Variants in EDDM3B observed in about 807,000 individuals in gnomAD.
The protein encoded by EDDM3B is epididymal protein 3B, also known as epididymal secretory protein E3-beta.
For synonymous variants in EDDM3B, 71 were observed against 59.1 expected, an observed-to-expected ratio of 1.20 and a Z score of -0.92; for missense variants, 189 against 178.3, an observed-to-expected ratio of 1.06 and a Z score of -0.34.
Position 20,770,134 on chromosome 14 carries a change from C to G in EDDM3B, c.-17C>G. ...TTTCTCTTCTCTGTGGACACGCAGG[C>G]GGCCCCGGTGACTGAGATGGCATCG... On this transcript the variant is annotated splice_region_variant and 5_prime_UTR_variant, in exon 2 of 2. Transcript: ENST00000326783. 1 of 1,589,008 alleles carries G rather than the reference C, an allele frequency of 6.3e-7. No homozygotes were observed. The highest frequency in any genetic ancestry group is 8.6e-7 in the Non-Finnish European group (1 of 1,166,746).
chr14:20,769,693 A>G (rs1878277958), intron 1 of EDDM3B, among the ~76,000 whole-genome samples: 1 of 152,192 alleles, frequency 6.6e-6, no homozygotes, highest in Admixed American at 6.5e-5. Context: ...CCTAGGAACC[A>G]CTTCCCAAGT....
chr14:20,770,032 C>T (rs8005431), intron 1 of EDDM3B, 101 bp from the exon 2 acceptor site: 46,820 of 950,416 alleles, frequency 0.049, 2,384 homozygotes, highest in African/African-American at 0.21. Flanking sequence ...TAAAATTGCA[C>T]CCAAGTGCCT....
In EDDM3B at chr14:20,770,557, T is replaced by G; in HGVS notation, c.407T>G (p.Ile136Arg). Residue 136 changes from isoleucine to arginine, a missense_variant, in exon 2 of 2, where the codon ATA (isoleucine) becomes AGA (arginine). Transcript: ENST00000326783. ...AGCATGGACGGGTATGTTGATAGCATAGAAGACCTAAAGATGGTAGAACCT... is the reference window on the plus strand; with the variant it reads ...AGCATGGACGGGTATGTTGATAGCAGAGAAGACCTAAAGATGGTAGAACCT... The part of the protein sequence containing the change: ...HCSMDGYVDS[I>R]EDLKMVEPIG... 1 of 1,613,978 alleles carries G rather than the reference T, an allele frequency of 6.2e-7. No homozygotes were observed. The highest frequency in any genetic ancestry group is 8.5e-7 in the Non-Finnish European group (1 of 1,179,978).
chr14:20,768,762 G>C (rs1303430252), intron 1 of EDDM3B, among the ~76,000 whole-genome samples: 1 of 152,082 alleles, frequency 6.6e-6, no homozygotes, highest in Non-Finnish European at 1.5e-5. Context: ...TTATCATCAG[G>C]ACAGGGTTCC....
Position 20,770,716 on chromosome 14 carries a change from A to G in EDDM3B, c.*122A>G. The G allele has an allele frequency of 1.3e-6, 1 of 787,486 alleles. No homozygotes were observed. The highest frequency in any genetic ancestry group is 2.0e-6 in the Non-Finnish European group (1 of 495,066). The allele number at this position is 787,486 out of a possible 1,614,324, so 48.8% of individuals were successfully genotyped here. A position where few individuals can be genotyped will look rare whatever the true frequency, so the allele number is the denominator to read the frequency against. On this transcript the variant is annotated 3_prime_UTR_variant, in exon 2 of 2. Coordinates refer to ENST00000326783, the MANE Select transcript of EDDM3B (RefSeq NM_022360.5). Reference sequence around the variant, plus strand: ...ATTTATTTGTCAATGTTTTCCAAATACTTAGAGTTATGAATAGCATAATTT... The same window carrying G: ...ATTTATTTGTCAATGTTTTCCAAATGCTTAGAGTTATGAATAGCATAATTT...
At chr14:20,770,053 G>C (rs1255748227) in intron 1 of EDDM3B, 80 bp from the exon 2 acceptor site, 35 of 1,220,766 alleles carry the variant, frequency 2.9e-5, no homozygotes, top group Non-Finnish European at 4.0e-5. Context: ...GCCTGGTGGG[G>C]AAGGAATTTT....
chr14:20,769,073 G>A (rs1878257769), intron 1 of EDDM3B, among the ~76,000 whole-genome samples: 2 of 152,138 alleles, frequency 1.3e-5, no homozygotes, highest in African/African-American at 4.8e-5. Context: ...TTTTAGTCTT[G>A]GTGCTTGATT....
At chr14:20,770,042 T>C in intron 1 of EDDM3B, 91 bp from the exon 2 acceptor site, 1 of 1,088,806 alleles carries the variant, frequency 9.2e-7, no homozygotes, top group Non-Finnish European at 1.3e-6. Flanking sequence ...CCCAAGTGCC[T>C]GCCTGGTGGG....
At position 20,770,403 on chromosome 14, in the gene EDDM3B, T is replaced by C; in HGVS notation, c.253T>C (p.Trp85Arg). 6.2e-7 allele frequency: 1 copy of C among 1,614,192 alleles called. No individual in the cohort carries two copies. The highest frequency in any genetic ancestry group is 8.5e-7 in the Non-Finnish European group (1 of 1,180,036). ...KIEHICTSDNWMDRFRNAYVW... is the reference protein window; with the variant it reads ...KIEHICTSDNRMDRFRNAYVW... ...CGAGCATATATGCACTAGTGACAAC[T>C]GGATGGATCGCTTCCGAAATGCATA... is the stretch of plus-strand genomic sequence containing the variant. The change falls in exon 2 of 2, where the codon TGG becomes CGG. Residue 85 changes from tryptophan (W) to arginine (R), a missense_variant. Trp to Arg is a moderately radical substitution (Grantham distance 101, BLOSUM62 -3). Coordinates refer to ENST00000326783, the MANE Select transcript of EDDM3B (RefSeq NM_022360.5).
intron 1 of EDDM3B, among the ~76,000 whole-genome samples, chr14:20,769,412 A>G (rs1878269319): frequency 6.6e-6 from 1 of 152,228 alleles, no homozygotes; most frequent in Admixed American, 6.5e-5. Flanking sequence ...AAATAAATAA[A>G]CAAATAAAAA....
chr14:20,770,168 G>C lies in EDDM3B; in HGVS notation c.18G>C (p.Lys6Asn). The change falls in exon 2 of 2, where the codon AAG becomes AAC. Residue 6 changes from lysine (K) to asparagine (N), a missense_variant. Transcript: ENST00000326783. MASSLKIWGTLLALLC... is the reference protein window; with the variant it reads MASSLNIWGTLLALLC... ...TGACTGAGATGGCATCGTCTCTAAAGATCTGGGGCACACTCTTGGCCCTAC... is the reference window on the plus strand; with the variant it reads ...TGACTGAGATGGCATCGTCTCTAAACATCTGGGGCACACTCTTGGCCCTAC... The C allele has an allele frequency of 6.2e-7, 1 of 1,612,050 alleles. No homozygotes were observed. The highest frequency in any genetic ancestry group is 8.5e-7 in the Non-Finnish European group (1 of 1,178,608).
At chr14:20,769,017 A>T (rs1878255710) in intron 1 of EDDM3B, among the ~76,000 whole-genome samples, 1 of 152,132 alleles carries the variant, frequency 6.6e-6, no homozygotes, top group Non-Finnish European at 1.5e-5. Flanking sequence ...TTTCAAAAAG[A>T]TCCCCACACT....
At chr14:20,770,050 G>A in intron 1 of EDDM3B, 83 bp from the exon 2 acceptor site, 1 of 1,180,398 alleles carries the variant, frequency 8.5e-7, no homozygotes, top group Non-Finnish European at 1.2e-6. Context: ...CCTGCCTGGT[G>A]GGGAAGGAAT....
intron 1 of EDDM3B, 36 bp from the exon 2 acceptor site, chr14:20,770,097 A>G: frequency 6.6e-7 from 1 of 1,511,496 alleles, no homozygotes; most frequent in South Asian, 1.3e-5. Context: ...CATTGTCTGG[A>G]TAATGCTTTT....
intron 1 of EDDM3B, among the ~76,000 whole-genome samples, chr14:20,769,742 C>T (rs1000991790): frequency 6.6e-6 from 1 of 152,146 alleles, no homozygotes; most frequent in African/African-American, 2.4e-5. Flanking sequence ...ATCTGACAAC[C>T]CTTTCCACTT....
At chr14:20,770,097 A>C in intron 1 of EDDM3B, 36 bp from the exon 2 acceptor site, 5 of 1,511,498 alleles carry the variant, frequency 3.3e-6, no homozygotes, top group Non-Finnish European at 4.5e-6. Context: ...CATTGTCTGG[A>C]TAATGCTTTT....
Position 20,770,540 on chromosome 14 carries a change from C to T in EDDM3B, c.390C>T (p.Asp130=), listed in dbSNP as rs762396483. Residue 130 remains aspartate, a synonymous_variant, in exon 2 of 2, where the codon GAC becomes GAT. Transcript: ENST00000326783. ...FNYIEFHCSM[D]GYVDSIEDLK... ...ACATTGAATTCCATTGTAGCATGGA[C>T]GGGTATGTTGATAGCATAGAAGACC... The T allele has an allele frequency of 6.2e-6, 10 of 1,613,988 alleles. No individual in the cohort carries two copies. Among genetic ancestry groups the T allele is most frequent in the East Asian group, 4.5e-5 (2 of 44,854 alleles).
chr14:20,770,798 CA>C lies in EDDM3B; in HGVS notation c.*205del, dbSNP rs1240159742. The C allele has an allele frequency of 7.3e-6, 4 of 544,984 alleles. No homozygotes were observed. Among genetic ancestry groups the C allele is most frequent in the African/African-American group, 1.9e-5 (1 of 52,614 alleles). The allele number at this position is 544,984 out of a possible 1,614,324, so 33.8% of individuals were successfully genotyped here. On this transcript the variant is annotated 3_prime_UTR_variant, in exon 2 of 2. Transcript: ENST00000326783. The stretch of plus-strand genomic sequence containing the variant: ...TCTGCCTGGAATACACTTTTGTCTT[CA>C]TTTACCTAATTTACTCTTATACTTT...
Position 20,770,846 on chromosome 14 carries a change from G to T in EDDM3B, c.*252G>T, listed in dbSNP as rs1878324839. ...CTTTTGTCGACATTCAGCTCATATG[G>T]CATCTGTTCTTGATTAACCCAAGAC... On this transcript the variant is annotated 3_prime_UTR_variant, in exon 2 of 2. Transcript: ENST00000326783. The T allele has an allele frequency of 4.6e-6, 2 of 431,454 alleles. No individual in the cohort carries two copies. The highest frequency in any genetic ancestry group is 2.0e-5 in the African/African-American group (1 of 50,196). 26.7% of individuals were successfully genotyped at this position (431,454 alleles called of 1,614,324 possible).
Sources: gnomAD v4.1 joint callset for allele counts (sites outside exome capture counted in the v4.1 genomes callset) on GRCh38, gnomAD v4.1.1 for gene constraint, MANE v1.5 for transcripts, NCBI Gene and HGNC (gene_info 2026-07-23, HGNC 2026-07-21) for gene names.